GLIS3: variants seen among roughly 807,000 people sequenced by gnomAD.
GLIS3 encodes the protein GLIS family zinc finger 3, also known as zinc finger protein GLIS3.
GLIS3 carries 53 observed loss-of-function variants against 78.6 expected under a neutral mutation model. The observed-to-expected ratio is 0.67, with a 90% CI of 0.54 to 0.85. The LOEUF (loss-of-function observed/expected upper bound fraction) is 0.85, where lower values mean the gene tolerates loss of function less well. Among genes scored for constraint, GLIS3 ranks in the 40% least tolerant of loss-of-function variants. The pLI is 0.00. For missense variants in GLIS3, 1,703 were observed against 1,231.1 expected, an observed-to-expected ratio of 1.38 and a Z score of -5.74; for synonymous variants, 684 against 509.9, an observed-to-expected ratio of 1.34 and a Z score of -4.60.
chr9:4,131,772 C>G lies in GLIS3; in HGVS notation c.389-5831G>C, dbSNP rs144910506. Among the ~76,000 whole-genome samples the G allele has an allele frequency of 7.7e-3, 1,165 of 152,232 alleles. 49 individuals are homozygous for G. Among genetic ancestry groups the G allele is most frequent in the Admixed American group, 0.066 (1,010 of 15,280 alleles). ...GCAATGTGAGAACGGACTAATACAA[C>G]CTCATAAGGTTGTTGTGCATCTAGT... On this transcript the variant is annotated intron_variant, in intron 2 of 10. Transcript: ENST00000381971.
chr9:4,054,043 A>G (rs571922610), intron 4 of GLIS3, among the ~76,000 whole-genome samples: 1 of 152,380 alleles, frequency 6.6e-6, no homozygotes, highest in African/African-American at 2.4e-5. Context: ...TTGAATGAGA[A>G]AGAAGAACAA....
intron 2 of GLIS3, among the ~76,000 whole-genome samples, chr9:4,232,433 CAAA>C (rs1822353168): frequency 1.5e-5 from 2 of 135,256 alleles, no homozygotes; most frequent in Non-Finnish European, 3.3e-5. Context: ...AACAAAGAAA[CAAA>C]GAAGACACCT....
intron 2 of GLIS3, among the ~76,000 whole-genome samples, chr9:4,329,723 G>A (rs143321836): frequency 2.6e-4 from 39 of 152,130 alleles, no homozygotes; most frequent in Non-Finnish European, 4.4e-4. Flanking sequence ...CAGCATATCC[G>A]TGCCAGTAGC....
chr9:4,461,110 C>A, the GLIS3 span, among the ~76,000 whole-genome samples: 127 of 152,292 alleles, frequency 8.3e-4, 2 homozygotes, highest in Admixed American at 6.0e-3. Flanking sequence ...ATATGTCACT[C>A]TTTTTCTGTG....
At chr9:4,243,888 G>T (rs1476871452) in intron 2 of GLIS3, among the ~76,000 whole-genome samples, 1 of 152,192 alleles carries the variant, frequency 6.6e-6, no homozygotes, top group Non-Finnish European at 1.5e-5. Context: ...TTCATGAGGT[G>T]GAGCTTAGAA....
intron 7 of GLIS3, among the ~76,000 whole-genome samples, chr9:3,885,569 A>C (rs1022869282): frequency 6.6e-6 from 1 of 152,194 alleles, no homozygotes; most frequent in Non-Finnish European, 1.5e-5. Context: ...GTGTTGGCTC[A>C]CCATTCATCT....
chr9:4,023,735 T>C (rs1249551233), intron 4 of GLIS3, among the ~76,000 whole-genome samples: 1 of 152,214 alleles, frequency 6.6e-6, no homozygotes, highest in Non-Finnish European at 1.5e-5. Flanking sequence ...TTAGCAGCTC[T>C]AGGTTTGCTC....
At chr9:4,326,535 G>C (rs917923220) in intron 2 of GLIS3, among the ~76,000 whole-genome samples, 1 of 148,602 alleles carries the variant, frequency 6.7e-6, no homozygotes, top group Non-Finnish European at 1.5e-5. Flanking sequence ...GTGTTTACCA[G>C]GGGGAGGGAG....
At chr9:3,898,469 A>T (rs973290194) in intron 7 of GLIS3, 3 of 592,758 alleles carry the variant, frequency 5.1e-6, no homozygotes, top group Non-Finnish European at 9.1e-6. Context: ...CATAACTAAA[A>T]GAGGTAATGC....
At chr9:4,273,063 G>C (rs1307120779) in intron 2 of GLIS3, among the ~76,000 whole-genome samples, 2 of 152,156 alleles carry the variant, frequency 1.3e-5, no homozygotes, top group Non-Finnish European at 2.9e-5. Flanking sequence ...AAAATATAGA[G>C]CTTTTACGGT....
rs563960847 is a variant in GLIS3, at chr9:3,850,576, C to A, written c.2473+5433G>T. Among the ~76,000 whole-genome samples, 3 of 152,330 alleles carry A rather than the reference C, an allele frequency of 2.0e-5. No individual in the cohort carries two copies. The South Asian group carries it at 6.2e-4, about 32-fold the overall frequency. The stretch of plus-strand genomic sequence containing the variant: ...TACATGTGGCCCAACATAATCCCAA[C>A]AGTTAGAGCTTAATGTTCCTACCTC... On this transcript the variant is annotated intron_variant, in intron 9 of 10. Coordinates refer to ENST00000381971, the MANE Select transcript of GLIS3 (RefSeq NM_001042413.2).
intron 4 of GLIS3, among the ~76,000 whole-genome samples, chr9:4,108,550 T>TA (rs1438859648): frequency 1.3e-5 from 2 of 152,284 alleles, no homozygotes; most frequent in Non-Finnish European, 2.9e-5. Context: ...TCTTGGCTAA[T>TA]AAATCACCAT....
chr9:3,832,628 C>G (rs1818114235), intron 9 of GLIS3, among the ~76,000 whole-genome samples: 1 of 152,160 alleles, frequency 6.6e-6, no homozygotes, highest in Non-Finnish European at 1.5e-5. Context: ...ACTTTGATAC[C>G]TGGAGGCCAG....
At chr9:4,331,756 G>A (rs920419429) in intron 2 of GLIS3, among the ~76,000 whole-genome samples, 1 of 152,212 alleles carries the variant, frequency 6.6e-6, no homozygotes, top group Non-Finnish European at 1.5e-5. Context: ...TGTCTAAGGT[G>A]AGACCTGAAG....
the GLIS3 span, among the ~76,000 whole-genome samples, chr9:4,366,992 TGAAG>T: frequency 6.6e-6 from 1 of 152,232 alleles, no homozygotes; most frequent in Admixed American, 6.5e-5. Context: ...ATTCCGTGAA[TGAAG>T]GATGAGGATG....
intron 2 of GLIS3, among the ~76,000 whole-genome samples, chr9:4,193,347 T>G (rs887123504): frequency 3.9e-5 from 6 of 152,208 alleles, no homozygotes; most frequent in African/African-American, 1.4e-4. Flanking sequence ...TCCATTTACA[T>G]AGTGTCAATG....
chr9:4,079,418 A>AG (rs1412369844), intron 4 of GLIS3, among the ~76,000 whole-genome samples: 6 of 152,190 alleles, frequency 3.9e-5, no homozygotes, highest in African/African-American at 1.4e-4. Context: ...TGCAAGCCAT[A>AG]GCGAAGAAAG....
intron 2 of GLIS3, among the ~76,000 whole-genome samples, chr9:4,215,716 C>T (rs1437646798): frequency 1.3e-5 from 2 of 152,142 alleles, no homozygotes; most frequent in East Asian, 1.9e-4. Flanking sequence ...TCTGAAAACA[C>T]GTCCATATAA....
chr9:4,016,061 T>C (rs887411804), intron 4 of GLIS3, among the ~76,000 whole-genome samples: 1 of 152,146 alleles, frequency 6.6e-6, no homozygotes, highest in Non-Finnish European at 1.5e-5. Flanking sequence ...TATAGTACTA[T>C]TACAACTGTC....
Sources: gnomAD v4.1 joint callset for allele counts (sites outside exome capture counted in the v4.1 genomes callset) on GRCh38, gnomAD v4.1.1 for gene constraint, MANE v1.5 for transcripts, NCBI Gene and HGNC (gene_info 2026-07-23, HGNC 2026-07-21) for gene names.